The following SCFD1 variants were observed in gnomAD, a reference collection of about 807,000 sequenced individuals.
SCFD1 encodes sec1 family domain containing 1, also known as sec1 family domain-containing protein 1.
In SCFD1, 37 loss-of-function variants were observed where a neutral mutation model predicts 103.2. That is an observed-to-expected ratio of 0.36 (90% CI 0.28 to 0.47). The LOEUF (loss-of-function observed/expected upper bound fraction) is 0.47. SCFD1 is among the 20% of genes least tolerant of loss of function. SCFD1 has a pLI of 1.00. For synonymous variants in SCFD1, 264 were observed against 245.0 expected (o/e 1.08, Z -0.73); for missense variants, 639 against 761.2 (o/e 0.84, Z 1.89).
chr14:30,645,280 C>T (rs1008338638), intron 7 of SCFD1, among the ~76,000 whole-genome samples: 4 of 152,100 alleles, frequency 2.6e-5, no homozygotes, highest in Admixed American at 2.6e-4. Context: ...ATGCTCCCAG[C>T]TTTGTTATTT....
intron 10 of SCFD1, among the ~76,000 whole-genome samples, chr14:30,656,054 A>G (rs1158714910): frequency 6.6e-6 from 1 of 152,016 alleles, no homozygotes; most frequent in African/African-American, 2.4e-5. Context: ...TGTGGCTACT[A>G]CAGTGAACTG....
chr14:30,625,036 C>T (rs1883238833), intron 1 of SCFD1, among the ~76,000 whole-genome samples: 1 of 151,972 alleles, frequency 6.6e-6, no homozygotes, highest in African/African-American at 2.4e-5. Context: ...CCAATCTTAC[C>T]TTTCTTCAAA....
At chr14:30,643,830 A>T (rs229165) in intron 7 of SCFD1, 26,141 of 414,706 alleles carry the variant, frequency 0.063, 1,349 homozygotes, top group African/African-American at 0.16. Context: ...ATCTACCTAT[A>T]CCTTCAAATT....
chr14:30,637,732 TG>T (rs1033651125), intron 4 of SCFD1, among the ~76,000 whole-genome samples: 4 of 152,158 alleles, frequency 2.6e-5, no homozygotes, highest in African/African-American at 9.6e-5. Context: ...AACTTGTCTG[TG>T]TGCAATGAAG....
intron 1 of SCFD1, among the ~76,000 whole-genome samples, chr14:30,625,501 G>A (rs977885604): frequency 1.9e-4 from 29 of 152,232 alleles, no homozygotes; most frequent in African/African-American, 6.0e-4. Flanking sequence ...TTCAGATAAA[G>A]TCATGGTTTA....
At chr14:30,723,842 A>G (rs1892824180) in intron 23 of SCFD1, among the ~76,000 whole-genome samples, 1 of 152,194 alleles carries the variant, frequency 6.6e-6, no homozygotes, top group Non-Finnish European at 1.5e-5. Flanking sequence ...TATCGTGAAC[A>G]GTGCTGCAAG....
At chr14:30,706,032 T>G (rs539458567) in intron 18 of SCFD1, 147 bp downstream of exon 18, 102 of 475,554 alleles carry the variant, frequency 2.1e-4, no homozygotes, top group African/African-American at 1.2e-3. Flanking sequence ...GTTCTCCTGG[T>G]TTTTTTTTTC....
intron 14 of SCFD1, among the ~76,000 whole-genome samples, chr14:30,693,823 T>G (rs1451844533): frequency 1.3e-5 from 2 of 152,216 alleles, no homozygotes; most frequent in African/African-American, 4.8e-5. Context: ...ATGAATGGTT[T>G]CTACTCCCAC....
intron 21 of SCFD1, among the ~76,000 whole-genome samples, chr14:30,721,475 A>G (rs1892646389): frequency 6.8e-6 from 1 of 147,124 alleles, no homozygotes; most frequent in Non-Finnish European, 1.5e-5. Context: ...CCATACATGT[A>G]TTTATATAGT....
At chr14:30,678,097 C>T (rs182903271) in intron 14 of SCFD1, among the ~76,000 whole-genome samples, 2 of 152,118 alleles carry the variant, frequency 1.3e-5, no homozygotes, top group African/African-American at 4.8e-5. Context: ...CTCGGCCCCG[C>T]GAAGTGCTGG....
At chr14:30,721,841 A>C (rs1466707163) in intron 21 of SCFD1, 43 bp from the exon 22 acceptor site, 1 of 1,533,604 alleles carries the variant, frequency 6.5e-7, no homozygotes, top group Admixed American at 1.7e-5. Flanking sequence ...TTCATAATAA[A>C]AGCCATGGGT....
chr14:30,639,943 A>G (rs1885104313), intron 6 of SCFD1, 79 bp downstream of exon 6: 4 of 1,432,476 alleles, frequency 2.8e-6, no homozygotes, highest in Admixed American at 2.9e-5. Context: ...GAATATGTTT[A>G]ATGGACTTCA....
Position 30,673,243 on chromosome 14 carries a change from C to T in SCFD1, c.996-14C>T, listed in dbSNP as rs1888715056. The T allele has an allele frequency of 2.1e-6, 3 of 1,439,594 alleles. No homozygotes were observed. Among genetic ancestry groups the T allele is most frequent in the Admixed American group, 3.9e-5 (2 of 51,560 alleles). The allele number at this position is 1,439,594 out of a possible 1,614,324, so 89.2% of individuals were successfully genotyped here. ...TAATGTCATCCTCATAGTTCTTGTG[C>T]AATACTGTTTTAGTCCATTCCCAGA... On this transcript the variant is annotated splice_polypyrimidine_tract_variant and intron_variant, in intron 11 of 24. Transcript: ENST00000458591.
chr14:30,637,736 C>T (rs1013616109), intron 4 of SCFD1, among the ~76,000 whole-genome samples: 4 of 152,098 alleles, frequency 2.6e-5, no homozygotes, highest in African/African-American at 9.7e-5. Flanking sequence ...TGTCTGTGTG[C>T]AATGAAGGAT....
rs1213166252 is a variant in SCFD1, at chr14:30,674,908, A to G, written c.1161-76A>G. 6.6e-6 allele frequency: 5 copies of G among 762,342 alleles called. No homozygotes were observed. In the African/African-American group the frequency reaches 9.0e-5, roughly 14 times the overall value. The allele number at this position is 762,342 out of a possible 1,614,324, so 47.2% of individuals were successfully genotyped here. On this transcript the variant is annotated intron_variant, in intron 13 of 24. Transcript: ENST00000458591. ...CACTGTTCTGAGTTTCCACAGGGGAAACACCAGGCATGAGATAAAGTCTAT... is the reference window on the plus strand; with the variant it reads ...CACTGTTCTGAGTTTCCACAGGGGAGACACCAGGCATGAGATAAAGTCTAT...
intron 3 of SCFD1, 159 bp downstream of exon 3, chr14:30,630,724 G>A (rs536174155): frequency 1.3e-5 from 7 of 544,370 alleles, no homozygotes; most frequent in African/African-American, 1.2e-4. Flanking sequence ...TCCTCAGTCT[G>A]AGGCTTTATA....
At chr14:30,694,253 T>C (rs1236740694) in intron 14 of SCFD1, among the ~76,000 whole-genome samples, 1 of 152,216 alleles carries the variant, frequency 6.6e-6, no homozygotes, top group Non-Finnish European at 1.5e-5. Context: ...GTTTTTATCT[T>C]TGCTAATATA....
chr14:30,709,875 T>C (rs1375147287), intron 19 of SCFD1, among the ~76,000 whole-genome samples: 1 of 152,246 alleles, frequency 6.6e-6, no homozygotes, highest in Middle Eastern at 3.2e-3. Flanking sequence ...ATATGTAGTT[T>C]ATTTTTAAGG....
chr14:30,660,631 T>TA (rs55904463), intron 10 of SCFD1, among the ~76,000 whole-genome samples: 2 of 152,144 alleles, frequency 1.3e-5, no homozygotes, highest in East Asian at 1.9e-4. Context: ...TTTTTTTTTT[T>TA]ATCACCTACT....
Sources: gnomAD v4.1 joint callset for allele counts (sites outside exome capture counted in the v4.1 genomes callset) on GRCh38, gnomAD v4.1.1 for gene constraint, MANE v1.5 for transcripts, NCBI Gene and HGNC (gene_info 2026-07-23, HGNC 2026-07-21) for gene names.